ZNF469: variants seen among roughly 807,000 people sequenced by gnomAD.
The protein encoded by ZNF469 is zinc finger protein 469.
In ZNF469, 1 loss-of-function variant was observed where a neutral mutation model predicts 1.0. The ratio of observed to expected loss-of-function variants is 1.00; its 90% CI spans 0.35 to 4.73. The LOEUF (loss-of-function observed/expected upper bound fraction) is 4.73, where lower values mean the gene tolerates loss of function less well. Among genes scored for constraint, ZNF469 ranks in the 30% most tolerant of loss-of-function variants. ZNF469 has a pLI of 0.16. For missense variants in ZNF469, 6,100 were observed against 5,356.3 expected, an observed-to-expected ratio of 1.14 and a Z score of -4.33; for synonymous variants, 2,703 against 2,363.4, an observed-to-expected ratio of 1.14 and a Z score of -4.17.
At chr16:88,348,708 G>A in the ZNF469 span, among the ~76,000 whole-genome samples, 3 of 152,178 alleles carry the variant, frequency 2.0e-5, no homozygotes, top group Non-Finnish European at 4.4e-5. Context: ...CCATTTGGGG[G>A]CTGGGACCTG....
At chr16:88,174,478 C>A in the ZNF469 span, among the ~76,000 whole-genome samples, 4 of 80,016 alleles carry the variant, frequency 5.0e-5, no homozygotes, top group Admixed American at 4.9e-4. Flanking sequence ...GTCTGTCTGT[C>A]TATCTATCTA....
At position 88,438,733 on chromosome 16, in the gene ZNF469, G is replaced by A. The variant is rs548347344; in HGVS notation, c.11263G>A (p.Gly3755Arg). The change falls in exon 3 of 3, where the codon GGG becomes AGG. Residue 3755 changes from glycine (G) to arginine (R), a missense_variant. Physicochemically the swap from Gly to Arg is moderately radical, Grantham distance 125 (BLOSUM62 -2). Coordinates refer to ENST00000565624, the MANE Select transcript of ZNF469 (RefSeq NM_001367624.2). The stretch of plus-strand genomic sequence containing the variant: ...TGGCAGCCAGCCCCAGCCAGCCAGC[G>A]GGCAGCTCCAGAGCGAGACAGCCAC... ...GGGSQPQPAS[G>R]QLQSETATTP... The A allele has an allele frequency of 6.5e-6, 10 of 1,549,948 alleles. No homozygotes were observed. The highest frequency in any genetic ancestry group is 4.9e-5 in the East Asian group (2 of 40,882).
At chr16:88,411,357 G>A (rs896029760) in intron 1 of ZNF469, among the ~76,000 whole-genome samples, 1 of 152,176 alleles carries the variant, frequency 6.6e-6, no homozygotes, top group African/African-American at 2.4e-5. Flanking sequence ...CCCGGCGGGT[G>A]GTCCAGGGGG....
the ZNF469 span, chr16:88,302,387 T>C: frequency 6.6e-6 from 1 of 152,320 alleles, no homozygotes; most frequent in African/African-American, 2.4e-5. Flanking sequence ...TATATTTATA[T>C]TTGGTGCTCT....
chr16:88,208,745 C>G, the ZNF469 span, among the ~76,000 whole-genome samples: 5 of 149,814 alleles, frequency 3.3e-5, no homozygotes, highest in African/African-American at 9.9e-5. Context: ...ATATCTGCAT[C>G]TATAATCTGT....
the ZNF469 span, among the ~76,000 whole-genome samples, chr16:88,262,982 G>A: frequency 5.3e-5 from 8 of 152,224 alleles, no homozygotes; most frequent in East Asian, 5.8e-4. This position sits in a 1 kb window ranked among gnomAD's most constrained non-coding sequence, Gnocchi z 4.3. Context: ...TTTCATTAGC[G>A]ACAGCTGGGG....
chr16:88,281,718 G>T, the ZNF469 span, among the ~76,000 whole-genome samples: 1 of 151,826 alleles, frequency 6.6e-6, no homozygotes, highest in African/African-American at 2.4e-5. Flanking sequence ...TCAGTGCATG[G>T]GTTAGTGCTG....
chr16:88,183,316 A>G, the ZNF469 span, among the ~76,000 whole-genome samples: 1 of 152,208 alleles, frequency 6.6e-6, no homozygotes, highest in Non-Finnish European at 1.5e-5. Context: ...CTCAAAAGAA[A>G]TGAAACTGCA....
chr16:88,358,302 G>A, the ZNF469 span, among the ~76,000 whole-genome samples: 1 of 152,212 alleles, frequency 6.6e-6, no homozygotes, highest in Non-Finnish European at 1.5e-5. Context: ...TCCACACCCG[G>A]GGGAGGGGGG....
Position 88,435,288 on chromosome 16 carries a change from G to A in ZNF469, c.7818G>A (p.Gln2606=). 2 of 1,550,336 alleles carry A rather than the reference G, an allele frequency of 1.3e-6. No individual in the cohort carries two copies. The highest frequency in any genetic ancestry group is 1.4e-5 in the African/African-American group (1 of 73,164). Residue 2606 remains glutamine, a synonymous_variant, in exon 3 of 3, where the codon CAG becomes CAA. Transcript: ENST00000565624. ...QAREDELHPK[Q]AEKREGRRWR... is the part of the protein sequence containing the mutation. ...GGGAAGATGAGCTGCATCCCAAACA[G>A]GCAGAAAAAAGAGAAGGCCGGAGGT... is the stretch of plus-strand genomic sequence containing the variant.
At chr16:88,202,022 G>T in the ZNF469 span, among the ~76,000 whole-genome samples, 3 of 152,076 alleles carry the variant, frequency 2.0e-5, no homozygotes, top group Non-Finnish European at 4.4e-5. Context: ...CCACTAACTC[G>T]GAGGTTCTAG....
chr16:88,251,850 C>T, the ZNF469 span, among the ~76,000 whole-genome samples: 2 of 151,928 alleles, frequency 1.3e-5, no homozygotes, highest in Non-Finnish European at 2.9e-5. Flanking sequence ...TGAGTCACCG[C>T]GCCGGGCCCC....
the ZNF469 span, among the ~76,000 whole-genome samples, chr16:88,214,848 G>A: frequency 6.6e-6 from 1 of 152,070 alleles, no homozygotes; most frequent in East Asian, 1.9e-4. Context: ...CTTTTTTATG[G>A]CTGCATAATA....
chr16:88,152,292 T>C, the ZNF469 span, among the ~76,000 whole-genome samples: 1 of 152,214 alleles, frequency 6.6e-6, no homozygotes, highest in Non-Finnish European at 1.5e-5. The surrounding 1 kb of genome is among the most constrained non-coding windows in gnomAD (Gnocchi z 4.2). Context: ...GGCTTTGGCG[T>C]TGGAAAAGTC....
At chr16:88,182,430 TGAAAGA>T in the ZNF469 span, among the ~76,000 whole-genome samples, 5 of 152,098 alleles carry the variant, frequency 3.3e-5, no homozygotes, top group Non-Finnish European at 7.4e-5. Context: ...CACACAACTT[TGAAAGA>T]GAAAATCTTC....
the ZNF469 span, among the ~76,000 whole-genome samples, chr16:88,203,358 G>A: frequency 2.6e-5 from 4 of 152,160 alleles, no homozygotes; most frequent in African/African-American, 7.2e-5. Context: ...CACCGTCAGC[G>A]AGTCCGCACA....
At chr16:88,165,446 C>G in the ZNF469 span, among the ~76,000 whole-genome samples, 3 of 152,136 alleles carry the variant, frequency 2.0e-5, no homozygotes, top group Admixed American at 2.0e-4. Context: ...AGGGCTCACT[C>G]GGGCTCAACT....
chr16:88,214,808 C>G, the ZNF469 span, among the ~76,000 whole-genome samples: 495 of 152,274 alleles, frequency 3.3e-3, 2 homozygotes, highest in African/African-American at 0.011. Context: ...CCAGCTTCAT[C>G]CACGTCCCTG....
At chr16:88,187,058 A>C in the ZNF469 span, among the ~76,000 whole-genome samples, 1 of 152,164 alleles carries the variant, frequency 6.6e-6, no homozygotes, top group Non-Finnish European at 1.5e-5. Flanking sequence ...CGGGGTATGA[A>C]GACGATGTAG....
Sources: gnomAD v4.1 joint callset for allele counts (sites outside exome capture counted in the v4.1 genomes callset) on GRCh38, gnomAD v4.1.1 for gene constraint, Gnocchi (gnomAD v3.1) non-coding constraint, MANE v1.5 for transcripts, NCBI Gene and HGNC (gene_info 2026-07-23, HGNC 2026-07-21) for gene names.